Variants in SAMD13 observed in about 807,000 individuals in gnomAD.
The protein encoded by SAMD13 is sterile alpha motif domain-containing protein 13.
A neutral mutation model predicts 12.4 loss-of-function variants in SAMD13; 9 were observed. The observed-to-expected ratio is 0.72, with a 90% CI of 0.44 to 1.26. SAMD13 has a LOEUF of 1.26. Ranked by LOEUF, SAMD13 falls within the 50% of genes most tolerant of loss-of-function variation. The pLI is 0.00. For missense variants in SAMD13, 84 were observed against 119.6 expected (o/e 0.70, Z 1.39); for synonymous variants, 46 against 45.4 (o/e 1.01, Z -0.05).
chr1:84,323,905 T>C (rs983579360), intron 2 of SAMD13, among the ~76,000 whole-genome samples: 3 of 152,180 alleles, frequency 2.0e-5, no homozygotes, highest in Admixed American at 6.5e-5. Context: ...TGCTTTGTGC[T>C]GTAGACTTAT....
intron 3 of SAMD13, among the ~76,000 whole-genome samples, chr1:84,331,775 G>T (rs137918237): frequency 5.1e-4 from 78 of 152,186 alleles, no homozygotes; most frequent in African/African-American, 1.9e-3. Context: ...TACAGGTGCA[G>T]GTTTGTTATA....
intron 3 of SAMD13, among the ~76,000 whole-genome samples, chr1:84,329,691 C>T (rs999991226): frequency 7.2e-5 from 11 of 152,208 alleles, no homozygotes; most frequent in African/African-American, 2.7e-4. Flanking sequence ...CAATTATCTT[C>T]ATCAAATTCT....
chr1:84,348,546 C>G (rs1382654243), intron 3 of SAMD13, among the ~76,000 whole-genome samples: 4 of 152,176 alleles, frequency 2.6e-5, no homozygotes, highest in Non-Finnish European at 2.9e-5. Flanking sequence ...CACCTAGGAA[C>G]CAGCTCAGGT....
chr1:84,319,346 C>T (rs1366193082), intron 2 of SAMD13, among the ~76,000 whole-genome samples: 1 of 152,102 alleles, frequency 6.6e-6, no homozygotes, highest in Non-Finnish European at 1.5e-5. Context: ...GTGTTCTTGG[C>T]CAGGTGCAGT....
chr1:84,325,502 G>T (rs1679037801), intron 2 of SAMD13, 135 bp from the exon 3 acceptor site: 1 of 630,372 alleles, frequency 1.6e-6, no homozygotes, highest in African/African-American at 1.8e-5. Context: ...TATTAGCAGT[G>T]ACTAAGCCAG....
At chr1:84,307,063 C>G (rs1678595421) in intron 2 of SAMD13, among the ~76,000 whole-genome samples, 1 of 151,858 alleles carries the variant, frequency 6.6e-6, no homozygotes, top group Admixed American at 6.6e-5. Flanking sequence ...TGTTTGGTTT[C>G]TAAGATCTGT....
intron 3 of SAMD13, among the ~76,000 whole-genome samples, chr1:84,345,494 T>G (rs1363883517): frequency 6.6e-6 from 1 of 152,218 alleles, no homozygotes; most frequent in African/African-American, 2.4e-5. Flanking sequence ...CCCAGTCTTC[T>G]GATTCTAAAT....
intron 3 of SAMD13, among the ~76,000 whole-genome samples, chr1:84,339,630 G>A (rs993731061): frequency 2.0e-5 from 3 of 152,106 alleles, no homozygotes; most frequent in African/African-American, 7.2e-5. Flanking sequence ...GTTTCACTGG[G>A]GCAGTGGCAA....
chr1:84,302,731 T>C (rs967717222), intron 1 of SAMD13: 9 of 970,702 alleles, frequency 9.3e-6, no homozygotes, highest in Non-Finnish European at 1.1e-5. Flanking sequence ...AGTGTCCTTC[T>C]GCATTGCAAT....
At chr1:84,302,882 G>GAGAGC (rs1678482648) in intron 1 of SAMD13, among the ~76,000 whole-genome samples, 1 of 152,162 alleles carries the variant, frequency 6.6e-6, no homozygotes. Flanking sequence ...GAGTTGCAGT[G>GAGAGC]TCTTAAGTGA....
At chr1:84,331,794 T>C (rs142483555) in intron 3 of SAMD13, among the ~76,000 whole-genome samples, 19 of 152,126 alleles carry the variant, frequency 1.2e-4, no homozygotes, top group African/African-American at 4.6e-4. Context: ...TATAGGTAAA[T>C]TGTGTGTCAC....
intron 2 of SAMD13, among the ~76,000 whole-genome samples, chr1:84,321,961 C>T (rs1056028063): frequency 3.3e-5 from 5 of 152,176 alleles, no homozygotes; most frequent in South Asian, 2.1e-4. Context: ...CCCGTGGAGA[C>T]GTGCCTCTGC....
upstream of SAMD13, among the ~76,000 whole-genome samples, chr1:84,301,415 T>A (rs755152586): frequency 3.3e-5 from 5 of 152,228 alleles, no homozygotes; most frequent in Non-Finnish European, 7.3e-5. Context: ...AGACCTATCA[T>A]GCAGCAACAA....
chr1:84,316,070 GT>G (rs1678826906), intron 2 of SAMD13, among the ~76,000 whole-genome samples: 1 of 151,870 alleles, frequency 6.6e-6, no homozygotes, highest in Non-Finnish European at 1.5e-5. Flanking sequence ...TGAGTTATTA[GT>G]TTTTTTGCTA....
At chr1:84,324,459 A>T (rs1679014967) in intron 2 of SAMD13, among the ~76,000 whole-genome samples, 1 of 152,198 alleles carries the variant, frequency 6.6e-6, no homozygotes, top group African/African-American at 2.4e-5. Flanking sequence ...CTATCCCTTT[A>T]ACTATCATAG....
intron 2 of SAMD13, among the ~76,000 whole-genome samples, chr1:84,323,996 A>G (rs1291291465): frequency 6.6e-6 from 1 of 152,176 alleles, no homozygotes; most frequent in Non-Finnish European, 1.5e-5. Context: ...ACCACCATCC[A>G]TCCAATTCCA....
chr1:84,313,187 T>C (rs1246546), intron 2 of SAMD13, among the ~76,000 whole-genome samples: 137,357 of 152,178 alleles, frequency 0.9, 62,671 homozygotes, highest in Non-Finnish European at 0.99. Context: ...TTCACATGCA[T>C]TAAAGAATGT....
intron 3 of SAMD13, among the ~76,000 whole-genome samples, chr1:84,340,215 T>C (rs1679393539): frequency 6.6e-6 from 1 of 152,224 alleles, no homozygotes; most frequent in South Asian, 2.1e-4. Context: ...TTTTAAAATG[T>C]GCTGTATACA....
Position 84,331,940 on chromosome 1 carries a change from G to A in SAMD13, c.165+6192G>A, listed in dbSNP as rs1044835339. Among the ~76,000 whole-genome samples the A allele has an allele frequency of 3.9e-5, 6 of 151,902 alleles. No homozygotes were observed. The South Asian group carries it at 8.3e-4, about 21-fold the overall frequency. On this transcript the variant is annotated intron_variant, in intron 3 of 3. Coordinates refer to ENST00000394834, the MANE Select transcript of SAMD13 (RefSeq NM_001134663.2). The stretch of plus-strand genomic sequence containing the variant: ...GTCTATTGTTCCTTTCTTCATGTCC[G>A]TATGTGCTCAATGATTAGCTCCCAC...
Sources: gnomAD v4.1 joint callset for allele counts (sites outside exome capture counted in the v4.1 genomes callset) on GRCh38, gnomAD v4.1.1 for gene constraint, MANE v1.5 for transcripts, NCBI Gene and HGNC (gene_info 2026-07-23, HGNC 2026-07-21) for gene names.